Variants in LAMA4 observed in about 807,000 individuals in gnomAD.
LAMA4 encodes laminin subunit alpha-4.
In LAMA4, 127 loss-of-function variants were observed where a neutral mutation model predicts 207.1. That is an observed-to-expected ratio of 0.61 (90% confidence interval 0.53 to 0.71). The LOEUF (loss-of-function observed/expected upper bound fraction) is 0.71. Among genes scored for constraint, LAMA4 ranks in the 30% least tolerant of loss-of-function variants. The probability of loss-of-function intolerance (pLI) is 0.00; values close to 1 mark genes in which losing one functional copy is unlikely to be tolerated. For missense variants in LAMA4, 2,093 were observed against 2,246.5 expected (o/e 0.93, Z 1.38); for synonymous variants, 761 against 816.0 (o/e 0.93, Z 1.15).
intron 31 of LAMA4, 64 bp from the exon 32 acceptor site, chr6:112,122,265 TG>T: frequency 8.5e-7 from 1 of 1,177,718 alleles, no homozygotes; most frequent in South Asian, 1.2e-5. Flanking sequence ...TAATTTGTGA[TG>T]TCCTCATCAT....
Position 112,139,829 on chromosome 6 carries a change from C to G in LAMA4, c.3033G>C (p.Leu1011Phe). 1.2e-6 allele frequency: 2 copies of G among 1,614,024 alleles called. No homozygotes were observed. Among genetic ancestry groups the G allele is most frequent in the African/African-American group, 2.7e-5 (2 of 75,008 alleles). ...GFVGCLELAT[L>F]NNDVISLYNF... ...TGTACAAGCTGATCACATCATTATT[C>G]AAAGTGGCCAGTTCCAGGCAGCCAA... Residue 1011 changes from leucine (L) to phenylalanine (F), a missense_variant, in exon 23 of 39, where the codon TTG (leucine) becomes TTC (phenylalanine). By Grantham distance (22) the Leu-to-Phe change is conservative. Transcript: ENST00000230538.
At chr6:112,233,881 A>G (rs1554365099) in intron 2 of LAMA4, among the ~76,000 whole-genome samples, 1 of 152,206 alleles carries the variant, frequency 6.6e-6, no homozygotes, top group Non-Finnish European at 1.5e-5. Context: ...AATATCAGCA[A>G]TTAAATTTTG....
At chr6:112,130,930 T>C (rs1554329501) in intron 29 of LAMA4, 38 bp downstream of exon 29, 4 of 1,602,960 alleles carry the variant, frequency 2.5e-6, no homozygotes, top group East Asian at 4.5e-5. Flanking sequence ...GTCCCACAAA[T>C]AGACATGGTG....
In LAMA4 at chr6:112,134,588, C is replaced by A; in HGVS notation, c.3436G>T (p.Asp1146Tyr). The change falls in exon 26 of 39, where the codon GAT becomes TAT. Residue 1146 changes from aspartate to tyrosine, a missense_variant. By Grantham distance (160) the Asp-to-Tyr change is radical. This residue lies in a region of LAMA4 where 1,704 missense variants were observed against 1,788.4 expected (regional missense o/e 0.95). Transcript: ENST00000230538. The stretch of plus-strand genomic sequence containing the variant: ...TCAACTACCAAGATCATTTTCTTAT[C>A]ATTGTGGTAAATGATTGAGATCTGG... ...YHEISIIYHN[D>Y]KKMILVVDRR... 6.2e-7 allele frequency: 1 copy of A among 1,609,468 alleles called. No individual in the cohort carries two copies. Among genetic ancestry groups the A allele is most frequent in the Non-Finnish European group, 8.5e-7 (1 of 1,176,676 alleles).
chr6:112,235,949 C>T (rs1339857179), intron 2 of LAMA4: 2 of 152,130 alleles, frequency 1.3e-5, no homozygotes, highest in Non-Finnish European at 1.5e-5. Flanking sequence ...GAACTTTCAA[C>T]GTTTTAGCAA....
At chr6:112,120,260 G>A in intron 33 of LAMA4, 23 bp downstream of exon 33, 1 of 1,596,060 alleles carries the variant, frequency 6.3e-7, no homozygotes, top group Admixed American at 1.7e-5. Flanking sequence ...TGCTGGTAAT[G>A]CTGTTCTCTG....
chr6:112,135,983 G>A (rs1779314413), intron 25 of LAMA4, 140 bp downstream of exon 25: 2 of 727,272 alleles, frequency 2.7e-6, no homozygotes, highest in Non-Finnish European at 4.8e-6. Context: ...GAGAAGATGA[G>A]GGTCCTTCAG....
rs587738317 is a variant in LAMA4, at chr6:112,120,979, T to C, written c.4476-507A>G. Among the ~76,000 whole-genome samples the C allele has an allele frequency of 5.3e-5, 8 of 151,596 alleles. No homozygotes were observed. The South Asian group carries it at 1.7e-3, about 32-fold the overall frequency. On this transcript the variant is annotated intron_variant, in intron 32 of 38. Transcript: ENST00000230538. ...GTCCCAGCTACTTGGGAGGCTAAGG[T>C]GGGAAGATCACTTGAGCCTGGGAGG...
Position 112,229,187 on chromosome 6 carries a change from T to C in LAMA4, c.196-12718A>G, listed in dbSNP as rs112866316. On this transcript the variant is annotated intron_variant, in intron 2 of 38. Coordinates refer to ENST00000230538, the MANE Select transcript of LAMA4 (RefSeq NM_001105206.3). Reference sequence around the variant, plus strand: ...CGACACCAGAAATCCCTGTGGCTCATAGACTGAGCTAGAAATAGGCCAAAA... The same window carrying C: ...CGACACCAGAAATCCCTGTGGCTCACAGACTGAGCTAGAAATAGGCCAAAA... 2.8e-3 allele frequency among the ~76,000 whole-genome samples: 433 copies of C among 152,322 alleles called. 2 individuals are homozygous for C. The highest frequency in any genetic ancestry group is 9.8e-3 in the African/African-American group (409 of 41,568).
rs781868927 is a variant in LAMA4 at position 112,133,378 on chromosome 6, C to T, written c.3667G>A (p.Val1223Ile). 3.7e-6 allele frequency: 6 copies of T among 1,613,792 alleles called. No homozygotes were observed. The Admixed American group carries it at 8.3e-5, about 22-fold the overall frequency. The change falls in exon 27 of 39, where the codon GTT becomes ATT. Residue 1223 changes from valine (V) to isoleucine (I), a missense_variant. Physicochemically the swap from Val to Ile is conservative, Grantham distance 29 (BLOSUM62 3). This residue lies in a region of LAMA4 where 1,704 missense variants were observed against 1,788.4 expected (regional missense o/e 0.95). Transcript: ENST00000230538. ...NLLEQTETLG[V>I]GYGCPEDSLI... The stretch of plus-strand genomic sequence containing the variant: ...GAGTCTTCTGGGCATCCATAACCAA[C>T]TCCCAGGGTTTCTGTCTGCTCCAGT...
chr6:112,234,346 G>A (rs1318751789), intron 2 of LAMA4: 3 of 151,934 alleles, frequency 2.0e-5, no homozygotes, highest in Admixed American at 6.6e-5. Context: ...TACTGTCATC[G>A]GTATATGACA....
chr6:112,200,324 A>G (rs1233553945), intron 5 of LAMA4: 1 of 365,826 alleles, frequency 2.7e-6, no homozygotes, highest in Non-Finnish European at 5.4e-6. Context: ...AATCAAAACC[A>G]CAATGAGATA....
At chr6:112,206,208 C>G (rs1205355262) in intron 4 of LAMA4, among the ~76,000 whole-genome samples, 3 of 152,128 alleles carry the variant, frequency 2.0e-5, no homozygotes, top group African/African-American at 7.2e-5. Context: ...GTGTGACTAG[C>G]CTGGGGACCC....
In LAMA4 at chr6:112,114,143, A is replaced by G. The variant is rs782426589; in HGVS notation, c.5259T>C (p.His1753=). The G allele has an allele frequency of 1.2e-6, 2 of 1,613,728 alleles. No homozygotes were observed. Among genetic ancestry groups the G allele is most frequent in the African/African-American group, 1.3e-5 (1 of 74,920 alleles). The change falls in exon 38 of 39, where the codon CAT becomes CAC. Residue 1753 remains histidine, a synonymous_variant. Coordinates refer to ENST00000230538, the MANE Select transcript of LAMA4 (RefSeq NM_001105206.3). ...VQLDVDSEVN[H]VVGPLNPKPI... is the part of the protein sequence containing the mutation. Reference sequence around the variant, plus strand: ...GTTTTGGATTCAGGGGTCCAACCACATGGTTCACTTCAGAGTCCACATCCA... The same window carrying G: ...GTTTTGGATTCAGGGGTCCAACCACGTGGTTCACTTCAGAGTCCACATCCA...
At chr6:112,154,450 T>C (rs1335236291) in intron 16 of LAMA4, among the ~76,000 whole-genome samples, 1 of 151,952 alleles carries the variant, frequency 6.6e-6, no homozygotes, top group Non-Finnish European at 1.5e-5. Context: ...CGTTCCTTCA[T>C]GGGAAACATT....
intron 33 of LAMA4, 77 bp downstream of exon 33, chr6:112,120,206 A>G: frequency 8.7e-7 from 1 of 1,149,932 alleles, no homozygotes; most frequent in Non-Finnish European, 1.3e-6. Flanking sequence ...TTCTAGAGAG[A>G]GTAATGGAGG....
At chr6:112,240,150 G>A (rs1365472114) in intron 2 of LAMA4, among the ~76,000 whole-genome samples, 3 of 152,134 alleles carry the variant, frequency 2.0e-5, no homozygotes, top group Non-Finnish European at 4.4e-5. Flanking sequence ...ATTTTAAAAG[G>A]TAAACTGTTT....
At chr6:112,135,586 T>C (rs1176301963) in intron 25 of LAMA4, among the ~76,000 whole-genome samples, 1 of 152,114 alleles carries the variant, frequency 6.6e-6, no homozygotes, top group African/African-American at 2.4e-5. Flanking sequence ...TTAATGAAAA[T>C]GGATGAAGTA....
At position 112,109,170 on chromosome 6, in the gene LAMA4, T is replaced by C. The variant is rs879999948; in HGVS notation, c.*267A>G. The C allele has an allele frequency of 4.6e-5, 22 of 474,736 alleles. No homozygotes were observed. Among genetic ancestry groups the C allele is most frequent in the Middle Eastern group, 6.0e-4 (1 of 1,676 alleles). 29.4% of individuals were successfully genotyped at this position (474,736 alleles called of 1,614,324 possible). A position where few individuals can be genotyped will look rare whatever the true frequency, so the allele number is the denominator to read the frequency against. ...TCTATTTTATTAGAAACAGAAACAGTAATTTCACCAGTAGGAATTGCGTGT... is the reference window on the plus strand; with the variant it reads ...TCTATTTTATTAGAAACAGAAACAGCAATTTCACCAGTAGGAATTGCGTGT... On this transcript the variant is annotated 3_prime_UTR_variant, in exon 39 of 39. Transcript: ENST00000230538.
Sources: gnomAD v4.1 joint callset for allele counts (sites outside exome capture counted in the v4.1 genomes callset) on GRCh38, gnomAD v4.1.1 for gene constraint, gnomAD v4.1.1 regional missense constraint, MANE v1.5 for transcripts, NCBI Gene and HGNC (gene_info 2026-07-23, HGNC 2026-07-21) for gene names.